KHDRBS2: variants seen among roughly 807,000 people sequenced by gnomAD.
The protein encoded by KHDRBS2 is KH RNA binding domain containing, signal transduction associated 2.
Under a neutral mutation model 44.3 loss-of-function variants are expected in KHDRBS2, and 26 were observed. That is an observed-to-expected ratio of 0.59 (90% CI 0.43 to 0.81). The LOEUF is 0.81. Ranked by LOEUF, KHDRBS2 falls within the 40% of genes least tolerant of loss-of-function variation. The probability of loss-of-function intolerance (pLI) is 0.00; values close to 1 mark genes in which losing one functional copy is unlikely to be tolerated. For synonymous variants in KHDRBS2, 194 were observed against 151.1 expected, an observed-to-expected ratio of 1.28 and a Z score of -2.08; for missense variants, 476 against 433.1, an observed-to-expected ratio of 1.10 and a Z score of -0.88.
chr6:61,994,178 G>A (rs1776739259), intron 3 of KHDRBS2, among the ~76,000 whole-genome samples: 1 of 152,074 alleles, frequency 6.6e-6, no homozygotes, highest in Non-Finnish European at 1.5e-5. Context: ...ATGGTCTCAG[G>A]AATTCTAATA....
At chr6:62,246,627 T>C (rs1170450777) in intron 1 of KHDRBS2, among the ~76,000 whole-genome samples, 1 of 152,044 alleles carries the variant, frequency 6.6e-6, no homozygotes, top group African/African-American at 2.4e-5. Context: ...CATAGAGCCA[T>C]TTTCAAATGC....
intron 6 of KHDRBS2, among the ~76,000 whole-genome samples, chr6:61,797,985 C>T (rs1177558134): frequency 6.6e-6 from 1 of 151,552 alleles, no homozygotes; most frequent in African/African-American, 2.4e-5. Context: ...AGCATAGTAC[C>T]CAATAGGTAG....
At chr6:62,241,521 A>T (rs1834666973) in intron 1 of KHDRBS2, among the ~76,000 whole-genome samples, 1 of 151,990 alleles carries the variant, frequency 6.6e-6, no homozygotes. Context: ...ACATAGTTTT[A>T]TGTGATTTTT....
At chr6:61,654,166 A>G in the KHDRBS2 span, among the ~76,000 whole-genome samples, 1 of 152,062 alleles carries the variant, frequency 6.6e-6, no homozygotes, top group Non-Finnish European at 1.5e-5. Context: ...TTTGTGAGTT[A>G]CTAGAAAGGG....
intron 4 of KHDRBS2, among the ~76,000 whole-genome samples, chr6:61,955,410 G>T (rs1226975716): frequency 5.0e-4 from 2 of 4,032 alleles, no homozygotes; most frequent in African/African-American, 0.012. Flanking sequence ...ATACATATAC[G>T]TGTATATATA....
At chr6:62,149,134 T>C (rs558305803) in intron 2 of KHDRBS2, among the ~76,000 whole-genome samples, 30 of 151,996 alleles carry the variant, frequency 2.0e-4, no homozygotes, top group Non-Finnish European at 2.6e-4. Flanking sequence ...CAAATAAACA[T>C]AAACGATTGA....
intron 2 of KHDRBS2, among the ~76,000 whole-genome samples, chr6:62,104,824 G>C (rs1562869551): frequency 6.6e-6 from 1 of 151,754 alleles, no homozygotes; most frequent in Admixed American, 6.6e-5. Flanking sequence ...TAAATGAATA[G>C]ATAATAATAG....
chr6:61,967,371 A>AT (rs1278459794), intron 4 of KHDRBS2, among the ~76,000 whole-genome samples: 1 of 152,032 alleles, frequency 6.6e-6, no homozygotes, highest in Non-Finnish European at 1.5e-5. Flanking sequence ...AATGTAAGCC[A>AT]TTTTACAAGC....
chr6:62,005,095 A>C (rs184029366), intron 3 of KHDRBS2, among the ~76,000 whole-genome samples: 4 of 152,200 alleles, frequency 2.6e-5, no homozygotes, highest in Admixed American at 2.6e-4. Flanking sequence ...AGAGATTTGA[A>C]GTTCTGATTA....
At chr6:62,100,709 T>C (rs1186707065) in intron 2 of KHDRBS2, among the ~76,000 whole-genome samples, 1 of 152,206 alleles carries the variant, frequency 6.6e-6, no homozygotes, top group East Asian at 1.9e-4. Flanking sequence ...ATAATTAACA[T>C]ATGTACATTT....
intron 2 of KHDRBS2, among the ~76,000 whole-genome samples, chr6:62,172,056 A>G (rs767006397): frequency 5.9e-5 from 9 of 152,186 alleles, no homozygotes; most frequent in Non-Finnish European, 1.3e-4. Context: ...ACATGATGAC[A>G]GGATCAAATC....
chr6:62,003,212 A>T (rs1220380766), intron 3 of KHDRBS2, among the ~76,000 whole-genome samples: 1 of 152,064 alleles, frequency 6.6e-6, no homozygotes, highest in Non-Finnish European at 1.5e-5. Flanking sequence ...CTGGGAGGTC[A>T]AGGCTGCAGT....
the KHDRBS2 span, among the ~76,000 whole-genome samples, chr6:61,655,760 A>AT: frequency 1.3e-5 from 2 of 152,038 alleles, no homozygotes; most frequent in African/African-American, 4.8e-5. Context: ...TACATGTAAG[A>AT]TTTTTTATTT....
Position 61,680,764 on chromosome 6 carries a change from G to A in KHDRBS2, c.*199C>T, listed in dbSNP as rs541987584. ...GCTAATGTCTTTTTCAGTCTGTTTT[G>A]TAAAATAATACTAGTGTCAATGTCA... On this transcript the variant is annotated 3_prime_UTR_variant, in exon 9 of 9. Coordinates refer to ENST00000281156, the MANE Select transcript of KHDRBS2 (RefSeq NM_152688.4). 2.6e-5 allele frequency: 11 copies of A among 419,062 alleles called. No individual in the cohort carries two copies. In the East Asian group the frequency reaches 3.7e-4, roughly 14 times the overall value. The allele number at this position is 419,062 out of a possible 1,614,324, so 26.0% of individuals were successfully genotyped here.
chr6:61,585,978 G>T, the KHDRBS2 span, among the ~76,000 whole-genome samples: 3 of 152,170 alleles, frequency 2.0e-5, no homozygotes, highest in East Asian at 5.8e-4. Context: ...AGAGCTATTG[G>T]TAGCCTTCTC....
intron 3 of KHDRBS2, among the ~76,000 whole-genome samples, chr6:62,009,992 A>G (rs1349263462): frequency 6.6e-6 from 1 of 152,130 alleles, no homozygotes; most frequent in African/African-American, 2.4e-5. Context: ...CTATGAGAAC[A>G]GGGCCACCGT....
intron 6 of KHDRBS2, among the ~76,000 whole-genome samples, chr6:61,823,091 T>C (rs1790228014): frequency 1.3e-5 from 2 of 151,914 alleles, no homozygotes; most frequent in South Asian, 4.1e-4. Flanking sequence ...AGCTGATAGG[T>C]GTTGGTTGCT....
chr6:62,102,559 A>C (rs971802461), intron 2 of KHDRBS2, among the ~76,000 whole-genome samples: 1 of 152,170 alleles, frequency 6.6e-6, no homozygotes, highest in African/African-American at 2.4e-5. Flanking sequence ...GGTGGCAGGA[A>C]ATGTGTGTTT....
chr6:62,227,116 A>G (rs1157693229), intron 1 of KHDRBS2, among the ~76,000 whole-genome samples: 4 of 152,178 alleles, frequency 2.6e-5, no homozygotes, highest in Admixed American at 6.5e-5. Context: ...TTTGTGTAGT[A>G]TAGCCATTTT....
Sources: allele counts gnomAD v4.1 joint callset (sites outside exome capture counted in the v4.1 genomes callset), GRCh38; gene constraint gnomAD v4.1.1; transcripts MANE v1.5; gene names NCBI Gene and HGNC (gene_info 2026-07-23, HGNC 2026-07-21).